GALNTL6: variants seen among roughly 807,000 people sequenced by gnomAD.
GALNTL6 encodes polypeptide N-acetylgalactosaminyltransferase-like 6.
Under a neutral mutation model 73.7 loss-of-function variants are expected in GALNTL6, and 46 were observed. The ratio of observed to expected loss-of-function variants is 0.62; its 90% CI spans 0.49 to 0.80. The LOEUF is 0.80. Among genes scored for constraint, GALNTL6 ranks in the 30% least tolerant of loss-of-function variants. GALNTL6 has a pLI of 0.00. For synonymous variants in GALNTL6, 259 were observed against 263.7 expected (o/e 0.98, Z 0.17); for missense variants, 604 against 755.0 (o/e 0.80, Z 2.34).
Position 172,557,280 on chromosome 4 carries a change from A to T in GALNTL6, c.553+208591A>T, listed in dbSNP as rs562282217. On this transcript the variant is annotated intron_variant, in intron 5 of 12. Coordinates refer to ENST00000506823, the MANE Select transcript of GALNTL6 (RefSeq NM_001034845.3). ...TGAAAGTACTTATAGTAGTTTCCTC[A>T]TACATTAAAACATTAAGCCTTTTAG... 4.6e-5 allele frequency among the ~76,000 whole-genome samples: 7 copies of T among 152,280 alleles called. No homozygotes were observed. In the South Asian group the frequency reaches 1.4e-3, roughly 32 times the overall value.
intron 2 of GALNTL6, among the ~76,000 whole-genome samples, chr4:171,846,430 G>C (rs1293771571): frequency 6.6e-6 from 1 of 152,140 alleles, no homozygotes; most frequent in East Asian, 1.9e-4. Flanking sequence ...AGAGGAGGTA[G>C]ACAGTAGGGG....
At chr4:173,017,513 G>A (rs1431327317) in intron 11 of GALNTL6, among the ~76,000 whole-genome samples, 1 of 152,104 alleles carries the variant, frequency 6.6e-6, no homozygotes. Context: ...AAGACTCAAT[G>A]CCTGATTGGT....
At chr4:172,287,851 G>A (rs989881080) in intron 3 of GALNTL6, among the ~76,000 whole-genome samples, 1 of 152,140 alleles carries the variant, frequency 6.6e-6, no homozygotes, top group Admixed American at 6.5e-5. Context: ...TGAGCGCTGA[G>A]CTTGAAACAT....
intron 5 of GALNTL6, among the ~76,000 whole-genome samples, chr4:172,757,624 C>A (rs1208070237): frequency 6.6e-6 from 1 of 152,164 alleles, no homozygotes; most frequent in Non-Finnish European, 1.5e-5. Flanking sequence ...GATCATCTTT[C>A]AAAATTATGC....
At chr4:172,918,402 T>A (rs1438913657) in intron 8 of GALNTL6, among the ~76,000 whole-genome samples, 1 of 151,796 alleles carries the variant, frequency 6.6e-6, no homozygotes, top group Non-Finnish European at 1.5e-5. Context: ...AAAAATAAAA[T>A]AAAATAAAAA....
At chr4:172,323,069 C>A (rs1196830765) in intron 4 of GALNTL6, among the ~76,000 whole-genome samples, 1 of 152,110 alleles carries the variant, frequency 6.6e-6, no homozygotes, top group Non-Finnish European at 1.5e-5. Context: ...CACATGGCTG[C>A]AGGAACACAA....
intron 8 of GALNTL6, among the ~76,000 whole-genome samples, chr4:172,924,100 G>C (rs575933931): frequency 1.3e-5 from 2 of 152,294 alleles, no homozygotes; most frequent in East Asian, 3.9e-4. Flanking sequence ...ACTTAAGACA[G>C]AGGTGAAAAC....
Position 172,809,506 on chromosome 4 carries a change from C to G in GALNTL6, c.699C>G (p.Ser233=), listed in dbSNP as rs1050541867. 4.3e-6 allele frequency: 7 copies of G among 1,613,428 alleles called. No homozygotes were observed. The African/African-American group carries it at 9.4e-5, about 22-fold the overall frequency. The change falls in exon 6 of 13, where the codon TCC becomes TCG. Residue 233 remains serine, a synonymous_variant. Transcript: ENST00000506823. This position sits in a 1 kb window ranked among gnomAD's most constrained non-coding sequence, Gnocchi z 4.4. ...ARGEVLTFLD[S]HCEVNVNWLP... is the part of the protein sequence containing the mutation. ...GAGAAGTCCTGACATTCCTGGACTC[C>G]CACTGCGAGGTCAATGTGAACTGGC...
chr4:172,302,986 T>G (rs1739994341), intron 3 of GALNTL6, among the ~76,000 whole-genome samples: 1 of 152,074 alleles, frequency 6.6e-6, no homozygotes, highest in Admixed American at 6.6e-5. Flanking sequence ...TGTGCTACAT[T>G]TAAATTTTTA....
intron 11 of GALNTL6, among the ~76,000 whole-genome samples, chr4:173,019,927 A>C (rs1752929641): frequency 6.6e-6 from 1 of 152,240 alleles, no homozygotes; most frequent in African/African-American, 2.4e-5. Context: ...GCTGAAATAT[A>C]CTGAGGGCCT....
chr4:172,315,219 T>G (rs1578946730), intron 4 of GALNTL6, among the ~76,000 whole-genome samples: 1 of 152,190 alleles, frequency 6.6e-6, no homozygotes, highest in East Asian at 1.9e-4. Flanking sequence ...GTCAAATTTT[T>G]AATCTTTTTT....
intron 3 of GALNTL6, among the ~76,000 whole-genome samples, chr4:172,291,576 A>G (rs1284049905): frequency 1.3e-5 from 2 of 152,124 alleles, no homozygotes; most frequent in Non-Finnish European, 2.9e-5. Context: ...TCAAATTCTT[A>G]AATTCAATAG....
At chr4:172,141,262 C>T (rs144727863) in intron 2 of GALNTL6, among the ~76,000 whole-genome samples, 156 of 151,986 alleles carry the variant, frequency 1.0e-3, no homozygotes, top group Admixed American at 2.3e-3. Context: ...TCCATCAATT[C>T]GAAGCAAGCA....
At chr4:172,022,957 C>A (rs1476951057) in intron 2 of GALNTL6, among the ~76,000 whole-genome samples, 2 of 151,974 alleles carry the variant, frequency 1.3e-5, no homozygotes, top group Non-Finnish European at 2.9e-5. Context: ...CTTTCACTGA[C>A]TTTAGCTAGC....
intron 5 of GALNTL6, among the ~76,000 whole-genome samples, chr4:172,756,578 G>A (rs1370581): frequency 0.45 from 67,891 of 151,710 alleles, 17,627 homozygotes; most frequent in East Asian, 0.68. Context: ...CCAGAAGGCC[G>A]AAGTTGCAGT....
At chr4:172,607,410 C>A (rs191819055) in intron 5 of GALNTL6, among the ~76,000 whole-genome samples, 5,300 of 152,168 alleles carry the variant, frequency 0.035, 249 homozygotes, top group African/African-American at 0.1. Flanking sequence ...TTTTCTATTC[C>A]TGTGTTAGTT....
intron 2 of GALNTL6, among the ~76,000 whole-genome samples, chr4:172,075,961 T>G (rs1731689595): frequency 6.6e-6 from 1 of 152,244 alleles, no homozygotes; most frequent in African/African-American, 2.4e-5. Context: ...ATACAGCTCT[T>G]TAATGTATTC....
At chr4:171,946,717 T>C (rs1034053914) in intron 2 of GALNTL6, among the ~76,000 whole-genome samples, 3 of 151,868 alleles carry the variant, frequency 2.0e-5, no homozygotes, top group Non-Finnish European at 2.9e-5. Context: ...ATGCCATGAG[T>C]AGAATGGGAC....
chr4:172,171,496 T>C (rs1450431984), intron 2 of GALNTL6, among the ~76,000 whole-genome samples: 3 of 152,086 alleles, frequency 2.0e-5, no homozygotes, highest in Admixed American at 6.5e-5. Flanking sequence ...GGAAGGTATT[T>C]CATGAACAAC....
Sources: allele counts gnomAD v4.1 joint callset (sites outside exome capture counted in the v4.1 genomes callset), GRCh38; gene constraint gnomAD v4.1.1; non-coding constraint Gnocchi (gnomAD v3.1); transcripts MANE v1.5; gene names NCBI Gene and HGNC (gene_info 2026-07-23, HGNC 2026-07-21).